The following COL24A1 variants were observed in gnomAD, a reference collection of about 807,000 sequenced individuals.
COL24A1 encodes collagen alpha-1(XXIV) chain.
In COL24A1, 224 loss-of-function variants were observed where a neutral mutation model predicts 253.9. The ratio of observed to expected loss-of-function variants is 0.88; its 90% CI spans 0.79 to 0.99. The LOEUF (loss-of-function observed/expected upper bound fraction) is 0.99, where lower values mean the gene tolerates loss of function less well. COL24A1 is among the 50% of genes least tolerant of loss of function. COL24A1 has a pLI of 0.00. For synonymous variants in COL24A1, 685 were observed against 673.7 expected, an observed-to-expected ratio of 1.02 and a Z score of -0.26; for missense variants, 2,131 against 2,068.5, an observed-to-expected ratio of 1.03 and a Z score of -0.59.
At chr1:85,881,506 T>C (rs990630095) in intron 32 of COL24A1, among the ~76,000 whole-genome samples, 7 of 151,504 alleles carry the variant, frequency 4.6e-5, no homozygotes, top group African/African-American at 1.5e-4. Context: ...GCACCTGTAA[T>C]CCCAGCTACC....
chr1:85,872,327 A>G (rs1366273231), intron 35 of COL24A1, among the ~76,000 whole-genome samples: 1 of 152,234 alleles, frequency 6.6e-6, no homozygotes, highest in Non-Finnish European at 1.5e-5. Context: ...CTTTCTTCAC[A>G]GAATTGGAAA....
At chr1:86,011,854 T>A (rs1696514357) in intron 19 of COL24A1, among the ~76,000 whole-genome samples, 1 of 152,214 alleles carries the variant, frequency 6.6e-6, no homozygotes, top group Non-Finnish European at 1.5e-5. Context: ...TTCTATTGGA[T>A]AAAGGTTCTG....
At chr1:85,923,517 C>A (rs1469565418) in intron 24 of COL24A1, among the ~76,000 whole-genome samples, 1 of 152,202 alleles carries the variant, frequency 6.6e-6, no homozygotes, top group East Asian at 1.9e-4. Context: ...TTAAGAAACT[C>A]ACTCAAAACT....
At chr1:85,766,666 G>A (rs1667416388) in intron 53 of COL24A1, among the ~76,000 whole-genome samples, 2 of 152,026 alleles carry the variant, frequency 1.3e-5, no homozygotes, top group Non-Finnish European at 2.9e-5. Context: ...ATTGTATAAT[G>A]AGCTATAAAC....
intron 51 of COL24A1, 60 bp from the exon 52 acceptor site, chr1:85,781,333 AC>A: frequency 1.2e-5 from 14 of 1,165,516 alleles, no homozygotes; most frequent in Non-Finnish European, 1.5e-5. Flanking sequence ...AAAAAACTCC[AC>A]AGAATCTCTT....
In COL24A1 at chr1:86,050,172, A is replaced by G; in HGVS notation, c.1857T>C (p.Phe619=). ...GTCCCGCTTCTCCAGGAGAGCCAATAAAACCCTTAAAACAAGAAAATAGTC... is the reference window on the plus strand; with the variant it reads ...GTCCCGCTTCTCCAGGAGAGCCAATGAAACCCTTAAAACAAGAAAATAGTC... ...GNPGPKGAQG[F]IGSPGEAGQL... The change falls in exon 11 of 60, where the codon TTT becomes TTC. Residue 619 remains phenylalanine (F), a synonymous_variant. Coordinates refer to ENST00000370571, the MANE Select transcript of COL24A1 (RefSeq NM_152890.7). The G allele has an allele frequency of 6.2e-7, 1 of 1,613,158 alleles. No homozygotes were observed. The highest frequency in any genetic ancestry group is 8.5e-7 in the Non-Finnish European group (1 of 1,179,232).
At chr1:85,895,730 A>T in intron 31 of COL24A1, 128 bp downstream of exon 31, 2 of 731,906 alleles carry the variant, frequency 2.7e-6, no homozygotes, top group South Asian at 3.4e-5. Context: ...TCAAAATATC[A>T]CATTGTATAC....
rs533070344 is a variant in COL24A1 at position 85,925,305 on chromosome 1, G to A, written c.2563-13872C>T. On this transcript the variant is annotated intron_variant, in intron 24 of 59. Transcript: ENST00000370571. ...TGAAGCTACCAATGACTTTCTTCAC[G>A]GAATTGGAAAAAACTATTGTAAAGT... is the stretch of plus-strand genomic sequence containing the variant. 1.3e-3 allele frequency among the ~76,000 whole-genome samples: 190 copies of A among 151,980 alleles called. 1 individual carries two copies. The Middle Eastern group carries it at 0.017, about 14-fold the overall frequency.
chr1:85,756,294 C>A (rs1249210248), intron 55 of COL24A1, among the ~76,000 whole-genome samples: 1 of 151,952 alleles, frequency 6.6e-6, no homozygotes, highest in Non-Finnish European at 1.5e-5. Context: ...TGGAGGGCAC[C>A]TGTAATCCCA....
At chr1:86,030,453 C>A (rs1698468022) in intron 14 of COL24A1, 1 of 152,298 alleles carries the variant, frequency 6.6e-6, no homozygotes, top group South Asian at 2.1e-4. Flanking sequence ...CCACTCCTAT[C>A]CTGGATGACC....
At chr1:86,022,478 T>G (rs760143731) in intron 17 of COL24A1, 60 bp downstream of exon 17, 137 of 1,454,240 alleles carry the variant, frequency 9.4e-5, no homozygotes, top group Non-Finnish European at 1.3e-4. Context: ...TAATAAGCAG[T>G]TCTTTCTTTT....
chr1:85,842,192 A>G, intron 40 of COL24A1, 71 bp from the exon 41 acceptor site: 1 of 1,495,472 alleles, frequency 6.7e-7, no homozygotes, highest in Non-Finnish European at 9.3e-7. Context: ...TCTGAAAGGA[A>G]AAATAGGATT....
At chr1:86,149,439 A>T (rs1239538169) in intron 1 of COL24A1, among the ~76,000 whole-genome samples, 1 of 152,226 alleles carries the variant, frequency 6.6e-6, no homozygotes, top group African/African-American at 2.4e-5. Flanking sequence ...TTCAACATAT[A>T]ACTGGCAGGA....
intron 7 of COL24A1, 32 bp downstream of exon 7, chr1:86,089,141 GA>G: frequency 7.0e-7 from 1 of 1,434,306 alleles, no homozygotes; most frequent in Non-Finnish European, 9.4e-7. Context: ...AAAAAAAGAA[GA>G]AAAAAAGAAA....
At chr1:86,002,112 A>G (rs561275425) in intron 19 of COL24A1, among the ~76,000 whole-genome samples, 1 of 152,364 alleles carries the variant, frequency 6.6e-6, no homozygotes, top group Admixed American at 6.5e-5. Flanking sequence ...TCTAAAGAGG[A>G]GCATAAAAGG....
chr1:86,060,543 T>A (rs928335819), intron 8 of COL24A1, among the ~76,000 whole-genome samples: 1 of 152,132 alleles, frequency 6.6e-6, no homozygotes. Flanking sequence ...TAGAGGATAA[T>A]AGTTGAGTTT....
chr1:85,961,448 G>A (rs1159072207), intron 23 of COL24A1, among the ~76,000 whole-genome samples, 155 bp from the exon 24 acceptor site: 1 of 152,134 alleles, frequency 6.6e-6, no homozygotes, highest in Non-Finnish European at 1.5e-5. Flanking sequence ...TATAAGTGGA[G>A]CAAACCACCA....
intron 5 of COL24A1, among the ~76,000 whole-genome samples, chr1:86,105,554 G>A (rs1704897649): frequency 6.6e-6 from 1 of 152,154 alleles, no homozygotes; most frequent in Non-Finnish European, 1.5e-5. Flanking sequence ...CAGGTGATAG[G>A]GAAGACCACC....
chr1:85,951,097 C>T (rs1215471242), intron 24 of COL24A1, among the ~76,000 whole-genome samples: 2 of 152,160 alleles, frequency 1.3e-5, no homozygotes, highest in Non-Finnish European at 2.9e-5. Flanking sequence ...ACACTAATGT[C>T]CTCTGAATAT....
Sources: allele counts gnomAD v4.1 joint callset (sites outside exome capture counted in the v4.1 genomes callset), GRCh38; gene constraint gnomAD v4.1.1; transcripts MANE v1.5; gene names NCBI Gene and HGNC (gene_info 2026-07-23, HGNC 2026-07-21).